The following SHISA6 variants were observed in gnomAD, a reference collection of about 807,000 sequenced individuals.
SHISA6 encodes the protein protein shisa-6.
In SHISA6, 22 loss-of-function variants were observed where a neutral mutation model predicts 47.9. The observed-to-expected ratio is 0.46, with a 90% CI of 0.33 to 0.66. SHISA6 has a LOEUF of 0.66. SHISA6 is among the 30% of genes least tolerant of loss of function. SHISA6 has a pLI of 0.02. For missense variants in SHISA6, 680 were observed against 764.6 expected, an observed-to-expected ratio of 0.89 and a Z score of 1.30; for synonymous variants, 388 against 337.8, an observed-to-expected ratio of 1.15 and a Z score of -1.63.
chr17:11,334,907 G>C (rs577916122), intron 2 of SHISA6, among the ~76,000 whole-genome samples: 2 of 152,162 alleles, frequency 1.3e-5, no homozygotes, highest in Admixed American at 6.5e-5. Flanking sequence ...TCCCATCCCC[G>C]TGGTGCATGA....
Position 11,558,638 on chromosome 17 carries a change from C to T in SHISA6, c.*334C>T. 2.7e-6 allele frequency: 1 copy of T among 366,420 alleles called. No homozygotes were observed. Among genetic ancestry groups the T allele is most frequent in the South Asian group, 3.6e-5 (1 of 27,504 alleles). 22.7% of individuals were successfully genotyped at this position (366,420 alleles called of 1,614,324 possible). ...CGCCTCCTTCTCCCCATCCGGGGGA[C>T]TCAGCTGCAGGTTCTGTCAGCAGAG... is the stretch of plus-strand genomic sequence containing the variant. On this transcript the variant is annotated 3_prime_UTR_variant, in exon 6 of 6. Transcript: ENST00000441885.
intron 3 of SHISA6, among the ~76,000 whole-genome samples, chr17:11,391,338 G>C (rs1468923956): frequency 6.6e-6 from 1 of 152,158 alleles, no homozygotes; most frequent in Non-Finnish European, 1.5e-5. Flanking sequence ...GACACCTGTA[G>C]GGGGCAGTAG....
At chr17:11,535,032 G>C (rs1203657943) in intron 3 of SHISA6, among the ~76,000 whole-genome samples, 1 of 152,170 alleles carries the variant, frequency 6.6e-6, no homozygotes, top group Non-Finnish European at 1.5e-5. Context: ...GGAGGCTGAA[G>C]CAGGAGGATT....
chr17:11,357,546 T>C (rs537923381), intron 2 of SHISA6, among the ~76,000 whole-genome samples: 117 of 152,306 alleles, frequency 7.7e-4, no homozygotes, highest in African/African-American at 2.7e-3. Context: ...AAAGATGGAA[T>C]CACATTATGG....
intron 3 of SHISA6, among the ~76,000 whole-genome samples, chr17:11,458,958 C>A (rs1192263977): frequency 6.6e-6 from 1 of 152,144 alleles, no homozygotes; most frequent in South Asian, 2.1e-4. Context: ...GTAATCCCAG[C>A]ACTTTGGGAG....
chr17:11,327,013 T>C (rs555357059), intron 2 of SHISA6, among the ~76,000 whole-genome samples: 1 of 152,340 alleles, frequency 6.6e-6, no homozygotes, highest in Non-Finnish European at 1.5e-5. Context: ...GTGGACATGT[T>C]AACCCTCTGG....
chr17:11,366,938 A>C (rs1043144148), intron 2 of SHISA6, among the ~76,000 whole-genome samples: 3 of 152,176 alleles, frequency 2.0e-5, no homozygotes, highest in Non-Finnish European at 4.4e-5. Context: ...GATATAATCA[A>C]ATTAAGATGA....
chr17:11,467,277 C>T (rs550985196), intron 3 of SHISA6, among the ~76,000 whole-genome samples: 100 of 152,142 alleles, frequency 6.6e-4, no homozygotes, highest in Non-Finnish European at 1.1e-3. Context: ...AACAAGCTCA[C>T]GCTGGTCCCC....
chr17:11,330,133 G>A (rs1368252393), intron 2 of SHISA6, among the ~76,000 whole-genome samples: 3 of 152,052 alleles, frequency 2.0e-5, no homozygotes, highest in South Asian at 4.2e-4. Flanking sequence ...TATATTTCTA[G>A]CAAATGTTCC....
chr17:11,486,593 G>T (rs778843019), intron 3 of SHISA6, among the ~76,000 whole-genome samples: 9 of 152,188 alleles, frequency 5.9e-5, no homozygotes, highest in African/African-American at 2.2e-4. Flanking sequence ...TCAGCCCTGC[G>T]TTGGGCTGTG....
chr17:11,546,060 GC>G (rs1262433548), intron 3 of SHISA6, among the ~76,000 whole-genome samples: 1 of 152,202 alleles, frequency 6.6e-6, no homozygotes, highest in Non-Finnish European at 1.5e-5. Flanking sequence ...TTATGGGAGA[GC>G]CTGTGGGACT....
intron 3 of SHISA6, among the ~76,000 whole-genome samples, chr17:11,392,087 G>A (rs1005442838): frequency 1.3e-5 from 2 of 152,190 alleles, no homozygotes; most frequent in East Asian, 1.9e-4. Context: ...GGTTCAGAGG[G>A]GCCAGAGCTC....
At chr17:11,540,618 C>T (rs1318272485) in intron 3 of SHISA6, among the ~76,000 whole-genome samples, 1 of 152,094 alleles carries the variant, frequency 6.6e-6, no homozygotes, top group Non-Finnish European at 1.5e-5. Context: ...CCCAGAATAC[C>T]CCAATGGATG....
At chr17:11,406,559 G>T (rs1022739902) in intron 3 of SHISA6, among the ~76,000 whole-genome samples, 1 of 152,166 alleles carries the variant, frequency 6.6e-6, no homozygotes. Flanking sequence ...TCCTTAGCAC[G>T]TTGTGAAGTA....
chr17:11,525,631 C>CAAAAAAAAAAAAAAAAAAAAAA (rs548619604), intron 3 of SHISA6, among the ~76,000 whole-genome samples: 1 of 58,906 alleles, frequency 1.7e-5, no homozygotes, highest in Non-Finnish European at 3.0e-5. Flanking sequence ...GACTCCGTCT[C>CAAAAAAAAAAAAAAAAAAAAAA]AAAAAAAAAA....
intron 2 of SHISA6, among the ~76,000 whole-genome samples, chr17:11,373,452 G>A (rs934699714): frequency 6.6e-6 from 1 of 151,958 alleles, no homozygotes; most frequent in Non-Finnish European, 1.5e-5. Flanking sequence ...ACCCAGCATA[G>A]GAAATGAAAC....
chr17:11,380,064 C>A (rs563478512), intron 3 of SHISA6: 1 of 153,608 alleles, frequency 6.5e-6, no homozygotes, highest in South Asian at 2.0e-4. Context: ...AGCTGCTTTA[C>A]AACCTAGCTG....
chr17:11,269,210 C>G (rs1205609780), intron 2 of SHISA6, among the ~76,000 whole-genome samples: 2 of 152,016 alleles, frequency 1.3e-5, no homozygotes, highest in African/African-American at 4.8e-5. Flanking sequence ...TCCAGTTAAT[C>G]TTTGCATTTT....
chr17:11,443,726 A>G (rs1172763870), intron 3 of SHISA6, among the ~76,000 whole-genome samples: 2 of 152,224 alleles, frequency 1.3e-5, no homozygotes, highest in African/African-American at 4.8e-5. Flanking sequence ...ACCTCTTAGT[A>G]GTAGTAGTAA....
Sources: allele counts gnomAD v4.1 joint callset (sites outside exome capture counted in the v4.1 genomes callset), GRCh38; gene constraint gnomAD v4.1.1; transcripts MANE v1.5; gene names NCBI Gene and HGNC (gene_info 2026-07-23, HGNC 2026-07-21).